The following JAK2 variants were observed in gnomAD, a reference collection of about 807,000 sequenced individuals.
JAK2 encodes tyrosine-protein kinase JAK2.
In JAK2, 86 loss-of-function variants were observed where a neutral mutation model predicts 139.3. The ratio of observed to expected loss-of-function variants is 0.62; its 90% CI spans 0.52 to 0.74. JAK2 has a LOEUF of 0.74. Ranked by LOEUF, JAK2 falls within the 30% of genes least tolerant of loss-of-function variation. The pLI, the probability that JAK2 is intolerant of heterozygous loss-of-function variation, is 0.00. For missense variants in JAK2, 1,421 were observed against 1,360.3 expected (o/e 1.04, Z -0.70); for synonymous variants, 490 against 437.7 (o/e 1.12, Z -1.49).
rs12340325 is a variant in JAK2, at chr9:5,012,167, A to C, written c.-25-9796A>C. Among the ~76,000 whole-genome samples the C allele has an allele frequency of 2.0e-3, 308 of 152,244 alleles. 1 individual carries two copies. The highest frequency in any genetic ancestry group is 7.0e-3 in the African/African-American group (292 of 41,550). On this transcript the variant is annotated intron_variant, in intron 2 of 24. Transcript: ENST00000381652. ...CATTCTCTGATACTTTCACCCAGTA[A>C]GACTGCAGCTTTTTACAAGAGCTCT...
chr9:5,012,395 T>C (rs1206902258), intron 2 of JAK2, among the ~76,000 whole-genome samples: 1 of 152,076 alleles, frequency 6.6e-6, no homozygotes, highest in Non-Finnish European at 1.5e-5. Context: ...AAGTTTATAA[T>C]TGTCGTCATC....
At chr9:5,119,246 T>C (rs570688089) in intron 22 of JAK2, among the ~76,000 whole-genome samples, 42 of 152,076 alleles carry the variant, frequency 2.8e-4, no homozygotes, top group Non-Finnish European at 4.3e-4. Flanking sequence ...CTAAATATAT[T>C]AATAATATGT....
chr9:5,087,063 T>C (rs1820177011), intron 19 of JAK2, among the ~76,000 whole-genome samples: 1 of 152,214 alleles, frequency 6.6e-6, no homozygotes, highest in Non-Finnish European at 1.5e-5. Context: ...ATCTTTATTG[T>C]TTTCATTGAA....
chr9:5,071,173 G>C (rs958312617), intron 12 of JAK2, among the ~76,000 whole-genome samples: 5 of 152,120 alleles, frequency 3.3e-5, no homozygotes, highest in African/African-American at 1.2e-4. Flanking sequence ...ATATTGTGTG[G>C]TGCTTGGAAG....
intron 22 of JAK2, chr9:5,114,522 G>A (rs884132): frequency 0.27 from 127,889 of 465,262 alleles, 18,198 homozygotes; most frequent in Admixed American, 0.3. Flanking sequence ...AACGCTAGAA[G>A]AGCCGAGGAA....
At chr9:5,002,079 T>C (rs1820958076) in intron 2 of JAK2, among the ~76,000 whole-genome samples, 2 of 151,954 alleles carry the variant, frequency 1.3e-5, no homozygotes, top group South Asian at 4.1e-4. Flanking sequence ...TGTTTGTAAA[T>C]TGATCATCTT....
At chr9:5,029,061 A>G (rs1020834912) in intron 3 of JAK2, among the ~76,000 whole-genome samples, 4 of 152,240 alleles carry the variant, frequency 2.6e-5, no homozygotes, top group African/African-American at 9.6e-5. Flanking sequence ...TTGGCTTTTA[A>G]TAATACCTTC....
intron 22 of JAK2, among the ~76,000 whole-genome samples, chr9:5,118,352 G>C (rs1458252206): frequency 3.9e-5 from 6 of 151,940 alleles, no homozygotes; most frequent in Non-Finnish European, 8.8e-5. Context: ...ATAATCTTAT[G>C]ATCACCTATT....
rs1820439783 is a variant in JAK2 at position 4,994,360 on chromosome 9, A to G, written c.-26+8338A>G. 2.0e-5 allele frequency among the ~76,000 whole-genome samples: 3 copies of G among 152,308 alleles called. No individual in the cohort carries two copies. The South Asian group carries it at 6.2e-4, about 32-fold the overall frequency. On this transcript the variant is annotated intron_variant, in intron 2 of 24. Coordinates refer to ENST00000381652, the MANE Select transcript of JAK2 (RefSeq NM_004972.4). ...CCACTGGTTCTTATCAGAATTACCTAAAGGACTTATTGAAACACAAATTGC... is the reference window on the plus strand; with the variant it reads ...CCACTGGTTCTTATCAGAATTACCTGAAGGACTTATTGAAACACAAATTGC...
intron 22 of JAK2, chr9:5,114,548 C>G: frequency 2.1e-6 from 1 of 480,364 alleles, no homozygotes; most frequent in Non-Finnish European, 4.1e-6. Flanking sequence ...ACAAGCGCAC[C>G]CTCACCTGCC....
rs537836439 is a variant in JAK2, at chr9:4,997,034, T to G, written c.-26+11012T>G. ...CCTTGCCTTCCCTGGGGTCCAGTGATCCTCCTACCTCAGCCTCCTGAGTAG... is the reference window on the plus strand; with the variant it reads ...CCTTGCCTTCCCTGGGGTCCAGTGAGCCTCCTACCTCAGCCTCCTGAGTAG... On this transcript the variant is annotated intron_variant, in intron 2 of 24. Coordinates refer to ENST00000381652, the MANE Select transcript of JAK2 (RefSeq NM_004972.4). Among the ~76,000 whole-genome samples, 588 of 150,484 alleles carry G rather than the reference T, an allele frequency of 3.9e-3. 4 individuals carry two copies. Among genetic ancestry groups the G allele is most frequent in the Non-Finnish European group, 6.1e-3 (411 of 67,708 alleles).
intron 2 of JAK2, among the ~76,000 whole-genome samples, chr9:4,996,471 T>A (rs953705451): frequency 2.0e-5 from 3 of 151,778 alleles, no homozygotes; most frequent in African/African-American, 4.8e-5. Context: ...AATAAATAAA[T>A]AAAAATAAAT....
chr9:5,125,307 CCTT>C (rs1226274119), intron 23 of JAK2, among the ~76,000 whole-genome samples: 6 of 150,916 alleles, frequency 4.0e-5, no homozygotes, highest in Non-Finnish European at 7.4e-5. Flanking sequence ...AGTTTGCTCT[CCTT>C]CTGTTTCATG....
chr9:5,081,646 G>C (rs980682419), intron 18 of JAK2, 79 bp from the exon 19 acceptor site: 2 of 976,154 alleles, frequency 2.0e-6, no homozygotes, highest in East Asian at 4.9e-5. Context: ...GATTATTTTG[G>C]TCAACTTGAA....
intron 2 of JAK2, among the ~76,000 whole-genome samples, chr9:4,998,404 G>A (rs962947226): frequency 2.0e-5 from 3 of 151,958 alleles, no homozygotes; most frequent in Admixed American, 6.6e-5. Flanking sequence ...TTATAGGCGC[G>A]CACCACCACG....
At chr9:5,111,950 G>C (rs1586818934) in intron 22 of JAK2, 3 of 347,342 alleles carry the variant, frequency 8.6e-6, no homozygotes, top group Non-Finnish European at 1.1e-5. Flanking sequence ...GCAATAACTT[G>C]TGGTCCAGCC....
chr9:5,054,522 T>A lies in JAK2; in HGVS notation c.615-41T>A. On this transcript the variant is annotated intron_variant, in intron 6 of 24. Transcript: ENST00000381652. The surrounding 1 kb of genome is among the most constrained non-coding windows in gnomAD (Gnocchi z 4.9). ...ATTTTTAGATTTATCTTCCAATTTT[T>A]GTTTTGTTTTGTTTTTCTGTATGTG... is the stretch of plus-strand genomic sequence containing the variant. 6.9e-7 allele frequency: 1 copy of A among 1,441,356 alleles called. No homozygotes were observed. Among genetic ancestry groups the A allele is most frequent in the Non-Finnish European group, 9.4e-7 (1 of 1,062,784 alleles). 89.3% of individuals were successfully genotyped at this position (1,441,356 alleles called of 1,614,324 possible). A position where few individuals can be genotyped will look rare whatever the true frequency, so the allele number is the denominator to read the frequency against.
intron 4 of JAK2, among the ~76,000 whole-genome samples, chr9:5,036,300 C>A (rs1202729596): frequency 6.6e-6 from 1 of 152,186 alleles, no homozygotes; most frequent in Non-Finnish European, 1.5e-5. Flanking sequence ...GGCCATACTG[C>A]CCAAAGTCCT....
intron 4 of JAK2, among the ~76,000 whole-genome samples, chr9:5,037,599 T>C (rs972643543): frequency 6.6e-6 from 1 of 151,994 alleles, no homozygotes; most frequent in Non-Finnish European, 1.5e-5. Flanking sequence ...CAGCAAACTA[T>C]CGCAAGGACA....
Sources: gnomAD v4.1 joint callset for allele counts (sites outside exome capture counted in the v4.1 genomes callset) on GRCh38, gnomAD v4.1.1 for gene constraint, Gnocchi (gnomAD v3.1) non-coding constraint, MANE v1.5 for transcripts, NCBI Gene and HGNC (gene_info 2026-07-23, HGNC 2026-07-21) for gene names.